The following DNER variants were observed in gnomAD, a reference collection of about 807,000 sequenced individuals.
DNER encodes the protein delta/notch like EGF repeat containing.
Under a neutral mutation model 78.2 loss-of-function variants are expected in DNER, and 33 were observed. The ratio of observed to expected loss-of-function variants is 0.42; its 90% CI spans 0.32 to 0.56. The LOEUF (loss-of-function observed/expected upper bound fraction) is 0.56. Ranked by LOEUF, DNER falls within the 20% of genes least tolerant of loss-of-function variation. The pLI, the probability that DNER is intolerant of heterozygous loss-of-function variation, is 0.11. For synonymous variants in DNER, 417 were observed against 384.8 expected (o/e 1.08, Z -0.98); for missense variants, 918 against 975.3 (o/e 0.94, Z 0.78).
chr2:229,667,862 G>C (rs1007220153), intron 1 of DNER, among the ~76,000 whole-genome samples: 7 of 152,220 alleles, frequency 4.6e-5, no homozygotes, highest in African/African-American at 1.7e-4. Context: ...TTTGCTTTCA[G>C]ATAGTCATGG....
At chr2:229,644,802 G>A (rs754601608) in intron 1 of DNER, among the ~76,000 whole-genome samples, 1 of 152,016 alleles carries the variant, frequency 6.6e-6, no homozygotes, top group Non-Finnish European at 1.5e-5. Context: ...TGAATTTATG[G>A]CTCTAATTTT....
intron 1 of DNER, among the ~76,000 whole-genome samples, chr2:229,646,182 T>A (rs1698715130): frequency 6.6e-6 from 1 of 152,176 alleles, no homozygotes; most frequent in African/African-American, 2.4e-5. Context: ...GGTAATCCTG[T>A]CCCGAGTGTG....
chr2:229,607,919 G>A (rs137966853), intron 1 of DNER, among the ~76,000 whole-genome samples: 5,037 of 151,176 alleles, frequency 0.033, 123 homozygotes, highest in Non-Finnish European at 0.052. Flanking sequence ...CTACTTGGGA[G>A]GCTGAGGCAC....
chr2:229,703,333 C>T (rs1212830986), intron 1 of DNER, among the ~76,000 whole-genome samples: 2 of 152,028 alleles, frequency 1.3e-5, no homozygotes, highest in Non-Finnish European at 2.9e-5. Flanking sequence ...AACTATTAGA[C>T]ATTTGTAAGC....
At chr2:229,380,751 C>T (rs1266248449) in intron 11 of DNER, among the ~76,000 whole-genome samples, 4 of 151,872 alleles carry the variant, frequency 2.6e-5, no homozygotes, top group Non-Finnish European at 4.4e-5. Flanking sequence ...ATAGTGAAAC[C>T]CCTTCTCTAC....
intron 5 of DNER, among the ~76,000 whole-genome samples, chr2:229,541,262 GA>G (rs1250521111): frequency 2.0e-5 from 3 of 152,154 alleles, no homozygotes; most frequent in African/African-American, 7.2e-5. Context: ...TTTGCCAGGG[GA>G]AAACCTAACG....
At chr2:229,694,715 T>G (rs572804350) in intron 1 of DNER, among the ~76,000 whole-genome samples, 2 of 152,346 alleles carry the variant, frequency 1.3e-5, no homozygotes, top group Admixed American at 6.5e-5. Context: ...CCAATGCCTG[T>G]ACCCCCATTG....
At chr2:229,531,962 A>G (rs978426674) in intron 5 of DNER, among the ~76,000 whole-genome samples, 1 of 152,166 alleles carries the variant, frequency 6.6e-6, no homozygotes, top group African/African-American at 2.4e-5. Flanking sequence ...ATCCACAGAG[A>G]CAGAATGCAG....
chr2:229,553,032 C>T (rs1198702130), intron 4 of DNER, among the ~76,000 whole-genome samples: 3 of 152,206 alleles, frequency 2.0e-5, no homozygotes, highest in Admixed American at 6.5e-5. Flanking sequence ...CTTCTCAGCT[C>T]ATCCAGGCCA....
At position 229,565,715 on chromosome 2, in the gene DNER, C is replaced by T. The variant is rs58271085; in HGVS notation, c.848-18623G>A. Among the ~76,000 whole-genome samples, 450 of 152,236 alleles carry T rather than the reference C, an allele frequency of 3.0e-3. 1 individual carries two copies. The highest frequency in any genetic ancestry group is 0.01 in the African/African-American group (436 of 41,554). On this transcript the variant is annotated intron_variant, in intron 4 of 12. Transcript: ENST00000341772. ...AATATTTTCTTATTGCCTGTAAGAA[C>T]CACATCATAATAGGACACCTTTTTA... is the stretch of plus-strand genomic sequence containing the variant.
At chr2:229,451,563 C>G (rs1694457371) in intron 7 of DNER, among the ~76,000 whole-genome samples, 1 of 152,208 alleles carries the variant, frequency 6.6e-6, no homozygotes, top group African/African-American at 2.4e-5. Flanking sequence ...TTCATTTAAT[C>G]CTACTATTAT....
intron 4 of DNER, among the ~76,000 whole-genome samples, chr2:229,576,256 CT>C (rs1369795020): frequency 6.6e-6 from 1 of 151,776 alleles, no homozygotes; most frequent in Non-Finnish European, 1.5e-5. Context: ...TGTTTTACCC[CT>C]GGCCCCCAGA....
chr2:229,379,684 T>C (rs1479081867), intron 11 of DNER, among the ~76,000 whole-genome samples: 1 of 152,124 alleles, frequency 6.6e-6, no homozygotes, highest in Non-Finnish European at 1.5e-5. Context: ...TACTAAACTT[T>C]AGAATGAAAA....
chr2:229,501,417 T>G (rs910378948), intron 6 of DNER, among the ~76,000 whole-genome samples: 3 of 151,738 alleles, frequency 2.0e-5, no homozygotes, highest in African/African-American at 7.3e-5. Context: ...TCATGCATTC[T>G]AGATTACCCA....
intron 1 of DNER, among the ~76,000 whole-genome samples, chr2:229,695,618 C>T (rs1214684614): frequency 1.3e-5 from 2 of 152,182 alleles, no homozygotes; most frequent in Non-Finnish European, 2.9e-5. Context: ...TCCCTTCCCA[C>T]TCTAAACATC....
chr2:229,509,845 G>T (rs960200735), intron 6 of DNER, among the ~76,000 whole-genome samples: 1 of 152,102 alleles, frequency 6.6e-6, no homozygotes, highest in East Asian at 1.9e-4. Context: ...AATAAAAAAG[G>T]GGAGACAGGT....
intron 6 of DNER, among the ~76,000 whole-genome samples, chr2:229,501,711 T>C (rs967177087): frequency 2.6e-5 from 4 of 152,184 alleles, no homozygotes; most frequent in African/African-American, 4.8e-5. Context: ...AATTAGAGCA[T>C]AGTGGGATAC....
intron 6 of DNER, among the ~76,000 whole-genome samples, chr2:229,501,429 A>T (rs913950928): frequency 2.0e-5 from 3 of 151,434 alleles, no homozygotes; most frequent in African/African-American, 7.3e-5. Context: ...GATTACCCAT[A>T]ACTAAAAAAA....
intron 5 of DNER, among the ~76,000 whole-genome samples, chr2:229,524,002 A>T (rs948347164): frequency 6.6e-6 from 1 of 152,226 alleles, no homozygotes. Context: ...TGCAAAATGC[A>T]GTTATCCTCA....
Sources: allele counts gnomAD v4.1 joint callset (sites outside exome capture counted in the v4.1 genomes callset), GRCh38; gene constraint gnomAD v4.1.1; transcripts MANE v1.5; gene names NCBI Gene and HGNC (gene_info 2026-07-23, HGNC 2026-07-21).